PLS1: variants seen among roughly 807,000 people sequenced by gnomAD.
PLS1 encodes the protein plastin 1, also known as plastin-1.
In PLS1, 32 loss-of-function variants were observed where a neutral mutation model predicts 73.7. The observed-to-expected ratio is 0.43, with a 90% CI of 0.33 to 0.58. The LOEUF is 0.58. Ranked by LOEUF, PLS1 falls within the 20% of genes least tolerant of loss-of-function variation. The probability of loss-of-function intolerance (pLI) is 0.04; values close to 1 mark genes in which losing one functional copy is unlikely to be tolerated. For synonymous variants in PLS1, 217 were observed against 261.3 expected (o/e 0.83, Z 1.63); for missense variants, 633 against 740.5 (o/e 0.85, Z 1.68).
At chr3:142,611,171 A>C (rs2036114300) in intron 1 of PLS1, among the ~76,000 whole-genome samples, 1 of 152,178 alleles carries the variant, frequency 6.6e-6, no homozygotes. Context: ...TTTTTCTCTT[A>C]GCTGTTTAAG....
chr3:142,642,384 A>G (rs1480750299), intron 1 of PLS1, among the ~76,000 whole-genome samples: 1 of 152,212 alleles, frequency 6.6e-6, no homozygotes, highest in Non-Finnish European at 1.5e-5. Flanking sequence ...TATTTTAAGT[A>G]AAAATGAAGT....
intron 1 of PLS1, among the ~76,000 whole-genome samples, chr3:142,635,606 C>CA (rs1047208999): frequency 2.0e-5 from 3 of 151,534 alleles, no homozygotes; most frequent in African/African-American, 7.3e-5. Context: ...GACTTTGTCT[C>CA]AAAAAAAATG....
chr3:142,631,664 GAAAAAAAAAAAAAAAAAAA>G (rs71153981), intron 1 of PLS1, among the ~76,000 whole-genome samples: 4 of 39,430 alleles, frequency 1.0e-4, no homozygotes, highest in African/African-American at 1.0e-4. Flanking sequence ...CCTGTCTCTA[GAAAAAAAAAAAAAAAAAAA>G]AAAAAAAGAA....
intron 1 of PLS1, among the ~76,000 whole-genome samples, chr3:142,602,476 C>T (rs915819801): frequency 6.6e-6 from 1 of 152,048 alleles, no homozygotes; most frequent in African/African-American, 2.4e-5. Flanking sequence ...AGGAAGAATC[C>T]AGGTGTGAAC....
rs755207830 is a variant in PLS1, at chr3:142,711,491, T to C, written c.1630-10T>C. ...TGTTTATGAATGTTCATCTATGCTT[T>C]ATTTTCTAGGATAAATCTATAAGCA... On this transcript the variant is annotated splice_polypyrimidine_tract_variant and intron_variant, in intron 14 of 15. Transcript: ENST00000457734. The C allele has an allele frequency of 2.6e-6, 4 of 1,564,158 alleles. No individual in the cohort carries two copies. Among genetic ancestry groups the C allele is most frequent in the Admixed American group, 1.7e-5 (1 of 59,550 alleles).
At chr3:142,692,840 T>A (rs550334304) in intron 10 of PLS1, among the ~76,000 whole-genome samples, 101 of 151,652 alleles carry the variant, frequency 6.7e-4, no homozygotes, top group African/African-American at 2.4e-3. Flanking sequence ...ATTAGAAACA[T>A]ATATATATAT....
chr3:142,704,009 C>T lies in PLS1; in HGVS notation c.1505+8C>T, dbSNP rs752316112. On this transcript the variant is annotated splice_region_variant and intron_variant, in intron 13 of 15. Coordinates refer to ENST00000457734, the MANE Select transcript of PLS1 (RefSeq NM_001145319.2). Reference sequence around the variant, plus strand: ...ATGGCAGCTGATGAGAAGGTAAAGGCTGATATGTTGGTAGCAACACTGCCT... The same window carrying T: ...ATGGCAGCTGATGAGAAGGTAAAGGTTGATATGTTGGTAGCAACACTGCCT... The T allele has an allele frequency of 6.2e-7, 1 of 1,612,814 alleles. No individual in the cohort carries two copies.
intron 1 of PLS1, among the ~76,000 whole-genome samples, chr3:142,647,108 G>T (rs1179386092): frequency 6.6e-6 from 1 of 152,156 alleles, no homozygotes; most frequent in African/African-American, 2.4e-5. Context: ...TTTGGAGATG[G>T]GAGTGGTGAT....
In PLS1 at chr3:142,689,779, GAAT is replaced by G. The variant is rs778690865; in HGVS notation, c.1150_1152del (p.Asn384del). On this transcript the variant is annotated inframe_deletion, in exon 10 of 16. Transcript: ENST00000457734. ...ACACATACCCGTGCCTGCACAAGCC[GAAT>G]AATAATGACATCGATATGAATTTAC... The G allele has an allele frequency of 2.5e-6, 4 of 1,593,842 alleles. No homozygotes were observed. The South Asian group carries it at 4.6e-5, about 18-fold the overall frequency.
intron 1 of PLS1, among the ~76,000 whole-genome samples, chr3:142,631,538 G>C (rs1261691793): frequency 2.0e-5 from 3 of 151,340 alleles, no homozygotes; most frequent in African/African-American, 7.3e-5. Context: ...GTGTGTGCCT[G>C]TGGTCCCAGC....
At chr3:142,604,565 G>A (rs528692635) in intron 1 of PLS1, among the ~76,000 whole-genome samples, 21 of 152,334 alleles carry the variant, frequency 1.4e-4, no homozygotes, top group Non-Finnish European at 2.8e-4. Flanking sequence ...TGTCATGGAA[G>A]TGAGTTGATT....
At chr3:142,627,243 AT>A (rs551599252) in intron 1 of PLS1, among the ~76,000 whole-genome samples, 7 of 149,008 alleles carry the variant, frequency 4.7e-5, no homozygotes, top group East Asian at 2.0e-4. Flanking sequence ...TGGGAAGGGG[AT>A]TTTTTTTTTA....
At chr3:142,670,255 A>G (rs1450487127) in intron 3 of PLS1, among the ~76,000 whole-genome samples, 2 of 152,210 alleles carry the variant, frequency 1.3e-5, no homozygotes, top group South Asian at 2.1e-4. Context: ...ACATGACAGC[A>G]TGTGTAGAGT....
intron 14 of PLS1, among the ~76,000 whole-genome samples, chr3:142,707,926 T>C (rs2038499411): frequency 6.6e-6 from 1 of 152,204 alleles, no homozygotes. Flanking sequence ...AAAACAGAGC[T>C]TACTTCTGGC....
intron 1 of PLS1, among the ~76,000 whole-genome samples, chr3:142,626,416 G>T (rs932482667): frequency 1.3e-5 from 2 of 152,034 alleles, no homozygotes; most frequent in African/African-American, 4.8e-5. Flanking sequence ...TTTCATCCTG[G>T]CAGCCAAACA....
At chr3:142,670,742 A>G (rs1374976428) in intron 3 of PLS1, among the ~76,000 whole-genome samples, 1 of 152,248 alleles carries the variant, frequency 6.6e-6, no homozygotes, top group Non-Finnish European at 1.5e-5. Flanking sequence ...TGGCAAGCCA[A>G]GAAGAATAAT....
chr3:142,679,598 A>G (rs1345270783), intron 6 of PLS1, among the ~76,000 whole-genome samples: 1 of 151,974 alleles, frequency 6.6e-6, no homozygotes, highest in Non-Finnish European at 1.5e-5. Context: ...ATGCGGCGTT[A>G]TTTCTGAGGG....
At chr3:142,599,686 C>T (rs1361842566) in intron 1 of PLS1, among the ~76,000 whole-genome samples, 1 of 152,132 alleles carries the variant, frequency 6.6e-6, no homozygotes, top group Non-Finnish European at 1.5e-5. Context: ...CAAATTTCCT[C>T]ATTACTAGAC....
Position 142,612,017 on chromosome 3 carries a change from A to G in PLS1, c.-37+15508A>G, listed in dbSNP as rs139632355. On this transcript the variant is annotated intron_variant, in intron 1 of 15. Transcript: ENST00000457734. ...CTAAAACCAGCGCTCTCAATGACATATTATGCTTCTCTAGGTACTGAAATA... is the reference window on the plus strand; with the variant it reads ...CTAAAACCAGCGCTCTCAATGACATGTTATGCTTCTCTAGGTACTGAAATA... Among the ~76,000 whole-genome samples the G allele has an allele frequency of 3.1e-3, 478 of 152,298 alleles. 1 individual carries two copies. Among genetic ancestry groups the G allele is most frequent in the African/African-American group, 0.01 (433 of 41,546 alleles).
Sources: allele counts gnomAD v4.1 joint callset (sites outside exome capture counted in the v4.1 genomes callset), GRCh38; gene constraint gnomAD v4.1.1; transcripts MANE v1.5; gene names NCBI Gene and HGNC (gene_info 2026-07-23, HGNC 2026-07-21).